Variants in ARHGAP28 observed in about 807,000 individuals in gnomAD.
ARHGAP28 encodes rho GTPase-activating protein 28.
Under a neutral mutation model 90.7 loss-of-function variants are expected in ARHGAP28, and 56 were observed. That is an observed-to-expected ratio of 0.62 (90% CI 0.50 to 0.77). The LOEUF (loss-of-function observed/expected upper bound fraction) is 0.77. Ranked by LOEUF, ARHGAP28 falls within the 30% of genes least tolerant of loss-of-function variation. The pLI, the probability that ARHGAP28 is intolerant of heterozygous loss-of-function variation, is 0.00. For synonymous variants in ARHGAP28, 308 were observed against 323.3 expected (o/e 0.95, Z 0.51); for missense variants, 869 against 900.9 (o/e 0.96, Z 0.45).
intron 17 of ARHGAP28, among the ~76,000 whole-genome samples, chr18:6,910,843 G>T (rs201337284): frequency 1.3e-5 from 1 of 76,650 alleles, no homozygotes; most frequent in African/African-American, 4.5e-5. Flanking sequence ...GTTTTGTTTT[G>T]TTTGCTTTGT....
chr18:6,734,166 A>G (rs991672684), intron 1 of ARHGAP28, among the ~76,000 whole-genome samples: 8 of 152,236 alleles, frequency 5.3e-5, no homozygotes, highest in South Asian at 2.1e-4. Flanking sequence ...TTGAAATTAG[A>G]ATCATGATTT....
At chr18:6,848,716 C>T (rs2056885463) in intron 3 of ARHGAP28, among the ~76,000 whole-genome samples, 1 of 152,146 alleles carries the variant, frequency 6.6e-6, no homozygotes. Context: ...GCTATGCCAA[C>T]CCATTGGCTG....
chr18:6,771,061 G>C (rs2056238866), intron 1 of ARHGAP28, among the ~76,000 whole-genome samples: 2 of 151,882 alleles, frequency 1.3e-5, no homozygotes, highest in East Asian at 3.9e-4. Context: ...TTTTGAGACA[G>C]GGTTTTGCTC....
At chr18:6,839,513 G>A (rs958690915) in intron 3 of ARHGAP28, among the ~76,000 whole-genome samples, 8 of 152,092 alleles carry the variant, frequency 5.3e-5, no homozygotes, top group Non-Finnish European at 1.2e-4. Flanking sequence ...TAGCCAGGAT[G>A]GTCTCGATTT....
At chr18:6,876,808 A>G (rs1024466168) in intron 10 of ARHGAP28, among the ~76,000 whole-genome samples, 4 of 152,230 alleles carry the variant, frequency 2.6e-5, no homozygotes, top group African/African-American at 9.6e-5. Context: ...CCAGCTGTTC[A>G]GTGTGAATCT....
At chr18:6,876,605 GC>G (rs2057132990) in intron 10 of ARHGAP28, among the ~76,000 whole-genome samples, 1 of 152,168 alleles carries the variant, frequency 6.6e-6, no homozygotes, top group Non-Finnish European at 1.5e-5. Context: ...GCTCCTCTCA[GC>G]CGTGGAATTC....
At chr18:6,839,511 A>C (rs2056785518) in intron 3 of ARHGAP28, among the ~76,000 whole-genome samples, 3 of 151,942 alleles carry the variant, frequency 2.0e-5, no homozygotes, top group Admixed American at 2.0e-4. Context: ...GTTAGCCAGG[A>C]TGGTCTCGAT....
chr18:6,887,780 G>C (rs76399182), intron 12 of ARHGAP28, among the ~76,000 whole-genome samples: 228 of 152,304 alleles, frequency 1.5e-3, no homozygotes, highest in Non-Finnish European at 2.4e-3. Context: ...GATGTTGACT[G>C]TCTATCCTGT....
At chr18:6,865,148 T>C (rs1351671947) in intron 5 of ARHGAP28, among the ~76,000 whole-genome samples, 1 of 152,240 alleles carries the variant, frequency 6.6e-6, no homozygotes, top group Non-Finnish European at 1.5e-5. Flanking sequence ...TATGAAGATA[T>C]TTCCCTTAAT....
chr18:6,753,156 T>C (rs185458069), intron 1 of ARHGAP28, among the ~76,000 whole-genome samples: 8 of 152,246 alleles, frequency 5.3e-5, no homozygotes, highest in Admixed American at 5.2e-4. Flanking sequence ...CAGTTTGAAA[T>C]GGTACCAATG....
intron 1 of ARHGAP28, among the ~76,000 whole-genome samples, chr18:6,764,924 G>A (rs1335351362): frequency 1.3e-5 from 2 of 152,000 alleles, no homozygotes; most frequent in African/African-American, 2.4e-5. Context: ...TAAACCAAAT[G>A]ACCAATACAA....
At chr18:6,895,713 T>G (rs1257034154) in intron 15 of ARHGAP28, among the ~76,000 whole-genome samples, 1 of 152,232 alleles carries the variant, frequency 6.6e-6, no homozygotes, top group African/African-American at 2.4e-5. Flanking sequence ...AAACCTCATA[T>G]GTAATGGCCT....
Position 6,896,493 on chromosome 18 carries a change from C to G in ARHGAP28, c.1906-9C>G. The G allele has an allele frequency of 1.2e-6, 2 of 1,613,888 alleles. No homozygotes were observed. Among genetic ancestry groups the G allele is most frequent in the African/African-American group, 1.3e-5 (1 of 75,042 alleles). On this transcript the variant is annotated splice_polypyrimidine_tract_variant and intron_variant, in intron 15 of 17. Transcript: ENST00000383472. ...TGACAGACTGTACTGAATTTCTCCT[C>G]CTTGGCAGTCTGACGTGCCGGAAGG...
chr18:6,755,583 T>C (rs908535491), intron 1 of ARHGAP28, among the ~76,000 whole-genome samples: 1 of 152,228 alleles, frequency 6.6e-6, no homozygotes, highest in African/African-American at 2.4e-5. Flanking sequence ...AATTATTAAA[T>C]TGACTTGTGC....
At chr18:6,848,251 C>T (rs1255476131) in intron 3 of ARHGAP28, among the ~76,000 whole-genome samples, 3 of 152,124 alleles carry the variant, frequency 2.0e-5, no homozygotes, top group African/African-American at 7.2e-5. Flanking sequence ...AGTATGTCAG[C>T]CCTGCTATGG....
At chr18:6,793,767 C>T (rs780838505) in intron 1 of ARHGAP28, among the ~76,000 whole-genome samples, 9 of 151,458 alleles carry the variant, frequency 5.9e-5, no homozygotes, top group East Asian at 1.9e-4. Flanking sequence ...CAGAGGGACC[C>T]GTGAAGGCTA....
chr18:6,908,975 A>G lies in ARHGAP28; in HGVS notation c.2046A>G (p.Glu682=). The change falls in exon 17 of 18, where the codon GAA becomes GAG. Residue 682 remains glutamate, a synonymous_variant. Transcript: ENST00000383472. ...FQYENSHGSS[E]CIKIQNQRLY... ...TTTTTTTCAGTCATGGTTCATCAGA[A>G]TGTATTAAGATTCAGAACCAAAGGT... The G allele has an allele frequency of 1.9e-6, 3 of 1,544,302 alleles. No individual in the cohort carries two copies. The highest frequency in any genetic ancestry group is 2.7e-6 in the Non-Finnish European group (3 of 1,120,996).
rs117484478 is a variant in ARHGAP28 at position 6,814,567 on chromosome 18, A to T, written c.123-10195A>T. 1.7e-3 allele frequency among the ~76,000 whole-genome samples: 265 copies of T among 152,324 alleles called. 1 individual carries two copies. The highest frequency in any genetic ancestry group is 2.7e-3 in the Admixed American group (41 of 15,296). ...GAAGAAACAGGGGCTAAATGGCTGC[A>T]TTCCAGCAAATACATCACAGCATCA... On this transcript the variant is annotated intron_variant, in intron 1 of 17. Transcript: ENST00000383472.
chr18:6,848,103 A>T (rs1236254213), intron 3 of ARHGAP28, among the ~76,000 whole-genome samples: 1 of 152,150 alleles, frequency 6.6e-6, no homozygotes, highest in African/African-American at 2.4e-5. Flanking sequence ...TGTTCAGTAT[A>T]AGTCATATTG....
Sources: allele counts gnomAD v4.1 joint callset (sites outside exome capture counted in the v4.1 genomes callset), GRCh38; gene constraint gnomAD v4.1.1; transcripts MANE v1.5; gene names NCBI Gene and HGNC (gene_info 2026-07-23, HGNC 2026-07-21).